Variants in PTPRQ observed in about 807,000 individuals in gnomAD.
PTPRQ encodes the protein protein tyrosine phosphatase receptor type Q.
In PTPRQ, 199 loss-of-function variants were observed where a neutral mutation model predicts 246.0. The observed-to-expected ratio is 0.81, with a 90% CI of 0.72 to 0.91. The LOEUF (loss-of-function observed/expected upper bound fraction) is 0.91. PTPRQ is among the 40% of genes least tolerant of loss of function. PTPRQ has a pLI of 0.00. For missense variants in PTPRQ, 2,624 were observed against 2,528.4 expected, an observed-to-expected ratio of 1.04 and a Z score of -0.81; for synonymous variants, 869 against 853.2, an observed-to-expected ratio of 1.02 and a Z score of -0.32.
At chr12:80,598,081 A>G (rs984927538) in intron 26 of PTPRQ, among the ~76,000 whole-genome samples, 1 of 151,974 alleles carries the variant, frequency 6.6e-6, no homozygotes, top group Non-Finnish European at 1.5e-5. Flanking sequence ...TCATTTAAGC[A>G]TCAAATAAGA....
At chr12:80,662,870 T>G (rs1034153903) in intron 39 of PTPRQ, among the ~76,000 whole-genome samples, 6 of 152,048 alleles carry the variant, frequency 3.9e-5, no homozygotes, top group African/African-American at 1.4e-4. Flanking sequence ...AGAAGTTTCC[T>G]CTCAGAAAAA....
At chr12:80,662,737 C>T (rs1900671083) in intron 39 of PTPRQ, among the ~76,000 whole-genome samples, 1 of 151,870 alleles carries the variant, frequency 6.6e-6, no homozygotes, top group Non-Finnish European at 1.5e-5. Flanking sequence ...AAAGTGGCAT[C>T]CATGGGTAAA....
chr12:80,493,007 C>T lies in PTPRQ; in HGVS notation c.1360-268C>T, dbSNP rs10862142. 0.85 allele frequency among the ~76,000 whole-genome samples: 129,210 copies of T among 151,780 alleles called. 55,852 individuals carry two copies. The highest frequency in any genetic ancestry group is 0.93 in the Non-Finnish European group (63,065 of 67,882). Reference sequence around the variant, plus strand: ...ACGTCTTATCTTACCATAAAGAAACCAACTCAAGTCAGAACAAAATCTGTT... The same window carrying T: ...ACGTCTTATCTTACCATAAAGAAACTAACTCAAGTCAGAACAAAATCTGTT... On this transcript the variant is annotated intron_variant, in intron 9 of 44. Coordinates refer to ENST00000644991, the MANE Select transcript of PTPRQ (RefSeq NM_001145026.2).
intron 23 of PTPRQ, among the ~76,000 whole-genome samples, chr12:80,543,337 A>ATTT (rs11434400): frequency 1.3e-5 from 2 of 149,068 alleles, no homozygotes; most frequent in Non-Finnish European, 3.0e-5. Flanking sequence ...ATATATCCTT[A>ATTT]TTTTTTTTTT....
At chr12:80,455,005 C>G (rs1892926612) in intron 3 of PTPRQ, among the ~76,000 whole-genome samples, 1 of 152,150 alleles carries the variant, frequency 6.6e-6, no homozygotes, top group African/African-American at 2.4e-5. Context: ...AATCCCATCT[C>G]TACTCAAAAT....
chr12:80,512,092 G>A (rs767731008), intron 17 of PTPRQ, among the ~76,000 whole-genome samples: 6 of 152,162 alleles, frequency 3.9e-5, no homozygotes, highest in Non-Finnish European at 7.4e-5. Flanking sequence ...TGGATTGGCT[G>A]TGCAGATAAG....
At chr12:80,663,127 T>C (rs1264852107) in intron 39 of PTPRQ, among the ~76,000 whole-genome samples, 1 of 151,668 alleles carries the variant, frequency 6.6e-6, no homozygotes, top group Non-Finnish European at 1.5e-5. Flanking sequence ...TATATTTAAA[T>C]AACAGATAAT....
Position 80,497,258 on chromosome 12 carries a change from G to A in PTPRQ, c.2272+727G>A, listed in dbSNP as rs549710739. 2.0e-5 allele frequency among the ~76,000 whole-genome samples: 3 copies of A among 151,832 alleles called. No homozygotes were observed. The East Asian group carries it at 5.8e-4, about 29-fold the overall frequency. On this transcript the variant is annotated intron_variant, in intron 14 of 44. Coordinates refer to ENST00000644991, the MANE Select transcript of PTPRQ (RefSeq NM_001145026.2). Reference sequence around the variant, plus strand: ...TGAGCTTGTTTTCCTGCAACTAGATGGTCCTATCTGGGGGGTAATGGGAGA... The same window carrying A: ...TGAGCTTGTTTTCCTGCAACTAGATAGTCCTATCTGGGGGGTAATGGGAGA...
chr12:80,566,669 A>T (rs975485351), intron 25 of PTPRQ, among the ~76,000 whole-genome samples: 1 of 151,784 alleles, frequency 6.6e-6, no homozygotes, highest in Non-Finnish European at 1.5e-5. Flanking sequence ...TCTCCCGAGT[A>T]GCTGGGACTA....
At position 80,444,869 on chromosome 12, in the gene PTPRQ, T is replaced by C. The variant is rs764030443; in HGVS notation, c.163+20T>C. The C allele has an allele frequency of 6.7e-7, 1 of 1,500,440 alleles. No homozygotes were observed. The highest frequency in any genetic ancestry group is 9.0e-7 in the Non-Finnish European group (1 of 1,116,740). The allele number at this position is 1,500,440 out of a possible 1,614,324, so 92.9% of individuals were successfully genotyped here. A position where few individuals can be genotyped will look rare whatever the true frequency, so the allele number is the denominator to read the frequency against. On this transcript the variant is annotated intron_variant, in intron 2 of 44. Transcript: ENST00000644991. The stretch of plus-strand genomic sequence containing the variant: ...TAACAAGTGAGTATATGTTTTAAAT[T>C]ACTTTGTAAGTAAAGTATTTGGAGT...
In PTPRQ at chr12:80,539,925, A is replaced by G. The variant is rs1243756675; in HGVS notation, c.3135A>G (p.Glu1045=). 4 of 1,546,040 alleles carry G rather than the reference A, an allele frequency of 2.6e-6. No individual in the cohort carries two copies. The highest frequency in any genetic ancestry group is 2.6e-6 in the Non-Finnish European group (3 of 1,144,480). ...GNGNKSSDII[E]VYTDQDIPEG... ...GGAATAAAAGCAGTGACATCATTGAAGTATACACAGATCAAGACAGTATGT... is the reference window on the plus strand; with the variant it reads ...GGAATAAAAGCAGTGACATCATTGAGGTATACACAGATCAAGACAGTATGT... The change falls in exon 20 of 45, where the codon GAA becomes GAG. Residue 1045 remains glutamate (E), a synonymous_variant. Coordinates refer to ENST00000644991, the MANE Select transcript of PTPRQ (RefSeq NM_001145026.2).
Position 80,459,293 on chromosome 12 carries a change from A to G in PTPRQ, c.470A>G (p.Lys157Arg), listed in dbSNP as rs1381044845. The change falls in exon 5 of 45, where the codon AAA becomes AGA. Residue 157 changes from lysine (K) to arginine (R), a missense_variant. Physicochemically the swap from Lys to Arg is conservative, Grantham distance 26. Transcript: ENST00000644991. ...LFQTAESAPG[K>R]VVNLTVEAYN... Reference sequence around the variant, plus strand: ...TCTTTCTCTTCCCCAGCTCCAGGAAAAGTGGTGAATCTCACAGTTGAGGCC... The same window carrying G: ...TCTTTCTCTTCCCCAGCTCCAGGAAGAGTGGTGAATCTCACAGTTGAGGCC... The G allele has an allele frequency of 2.5e-6, 1 of 398,456 alleles. No homozygotes were observed. Among genetic ancestry groups the G allele is most frequent in the East Asian group, 3.6e-5 (1 of 28,060 alleles). The allele number at this position is 398,456 out of a possible 1,614,324, so 24.7% of individuals were successfully genotyped here. A position where few individuals can be genotyped will look rare whatever the true frequency, so the allele number is the denominator to read the frequency against.
chr12:80,675,446 A>G lies in PTPRQ; in HGVS notation c.6738+2142A>G, dbSNP rs550256500. Among the ~76,000 whole-genome samples, 7 of 152,332 alleles carry G rather than the reference A, an allele frequency of 4.6e-5. No homozygotes were observed. In the South Asian group the frequency reaches 1.4e-3, roughly 32 times the overall value. On this transcript the variant is annotated intron_variant, in intron 43 of 44. Transcript: ENST00000644991. Reference sequence around the variant, plus strand: ...TTCTCATTTTTAGTTAAAAACAAAGATAAATGAAAAGCTAACATTTTCCTC... The same window carrying G: ...TTCTCATTTTTAGTTAAAAACAAAGGTAAATGAAAAGCTAACATTTTCCTC...
chr12:80,605,000 T>C (rs910986107), intron 26 of PTPRQ, 59 bp from the exon 27 acceptor site: 23 of 1,416,860 alleles, frequency 1.6e-5, no homozygotes, highest in Non-Finnish European at 2.0e-5. Context: ...TTTCTATTAT[T>C]GTGCTGTAGC....
intron 42 of PTPRQ, 21 bp downstream of exon 42, chr12:80,670,513 G>A: frequency 6.6e-7 from 1 of 1,513,954 alleles, no homozygotes; most frequent in East Asian, 2.5e-5. Flanking sequence ...GATCAGAAAT[G>A]GCCTTTGAAC....
chr12:80,485,968 A>G (rs1409608591), intron 9 of PTPRQ, among the ~76,000 whole-genome samples: 2 of 152,000 alleles, frequency 1.3e-5, no homozygotes, highest in African/African-American at 2.4e-5. Flanking sequence ...ACAAATTTGG[A>G]TTTAAATTAT....
At chr12:80,484,739 C>A in intron 9 of PTPRQ, 134 bp downstream of exon 9, 1 of 1,057,994 alleles carries the variant, frequency 9.5e-7, no homozygotes, top group Non-Finnish European at 1.3e-6. Context: ...AAATTTGGGG[C>A]ATGTTGATAA....
intron 38 of PTPRQ, among the ~76,000 whole-genome samples, chr12:80,657,167 C>CT (rs980313123): frequency 1.3e-5 from 2 of 151,532 alleles, no homozygotes; most frequent in Non-Finnish European, 3.0e-5. Flanking sequence ...TTTTAACATA[C>CT]TTTTTTTAAA....
At chr12:80,664,088 G>T (rs1900713452) in intron 39 of PTPRQ, among the ~76,000 whole-genome samples, 1 of 151,708 alleles carries the variant, frequency 6.6e-6, no homozygotes, top group South Asian at 2.1e-4. Context: ...ACCCTCCATG[G>T]ATTCTTCTCT....
Sources: gnomAD v4.1 joint callset for allele counts (sites outside exome capture counted in the v4.1 genomes callset) on GRCh38, gnomAD v4.1.1 for gene constraint, MANE v1.5 for transcripts, NCBI Gene and HGNC (gene_info 2026-07-23, HGNC 2026-07-21) for gene names.